IL6R: variants seen among roughly 807,000 people sequenced by gnomAD.
The protein encoded by IL6R is interleukin-6 receptor subunit alpha.
IL6R carries 38 observed loss-of-function variants against 48.3 expected under a neutral mutation model. The observed-to-expected ratio is 0.79, with a 90% CI of 0.61 to 1.03. The LOEUF is 1.03. Among genes scored for constraint, IL6R ranks in the 50% least tolerant of loss-of-function variants. IL6R has a pLI of 0.00. For missense variants in IL6R, 534 were observed against 618.3 expected, an observed-to-expected ratio of 0.86 and a Z score of 1.45; for synonymous variants, 264 against 256.2, an observed-to-expected ratio of 1.03 and a Z score of -0.29.
chr1:154,413,682 T>C (rs1688168113), intron 1 of IL6R, among the ~76,000 whole-genome samples: 1 of 152,150 alleles, frequency 6.6e-6, no homozygotes, highest in African/African-American at 2.4e-5. Flanking sequence ...GACCTGCCTG[T>C]TCATATTCAA....
intron 3 of IL6R, among the ~76,000 whole-genome samples, chr1:154,434,260 G>A (rs1044407686): frequency 3.9e-5 from 6 of 151,996 alleles, no homozygotes; most frequent in Admixed American, 1.3e-4. Context: ...GCAGTGAGCC[G>A]AGACTGCGCC....
intron 6 of IL6R, among the ~76,000 whole-genome samples, chr1:154,439,907 C>CT (rs1019768848): frequency 5.3e-5 from 8 of 150,760 alleles, no homozygotes; most frequent in South Asian, 2.1e-4. Context: ...CTCTTTTTCT[C>CT]TTTTTTTTTG....
At chr1:154,418,392 T>C (rs1430062846) in intron 1 of IL6R, 2 of 984,410 alleles carry the variant, frequency 2.0e-6, no homozygotes, top group South Asian at 4.7e-5. Context: ...TCTCCAGCAG[T>C]GTACAGTCCA....
At chr1:154,430,447 G>C (rs755556177) in intron 2 of IL6R, 36 bp from the exon 3 acceptor site, 7 of 1,608,140 alleles carry the variant, frequency 4.4e-6, no homozygotes, top group Admixed American at 3.4e-5. Flanking sequence ...CAGGATCCCC[G>C]CCCGCCTGCT....
chr1:154,447,951 T>C (rs1690366289), intron 6 of IL6R, among the ~76,000 whole-genome samples, 174 bp from the exon 7 acceptor site: 1 of 152,112 alleles, frequency 6.6e-6, no homozygotes, highest in African/African-American at 2.4e-5. Flanking sequence ...TAACCTCAGG[T>C]GATCTACCCA....
At chr1:154,454,985 C>T (rs1313011293) in intron 9 of IL6R, among the ~76,000 whole-genome samples, 2 of 152,118 alleles carry the variant, frequency 1.3e-5, no homozygotes, top group Non-Finnish European at 1.5e-5. Context: ...AATCTCGCCT[C>T]ACAGGACAAC....
At chr1:154,443,262 T>C (rs1042169512) in intron 6 of IL6R, among the ~76,000 whole-genome samples, 1 of 152,260 alleles carries the variant, frequency 6.6e-6, no homozygotes, top group Admixed American at 6.5e-5. Flanking sequence ...GGGCGGTCAG[T>C]GCCTCCAGCT....
At chr1:154,458,647 T>A (rs142712385) in intron 9 of IL6R, among the ~76,000 whole-genome samples, 6,670 of 152,236 alleles carry the variant, frequency 0.044, 194 homozygotes, top group Non-Finnish European at 0.067. Flanking sequence ...ACGCCTGTGA[T>A]CCCAGCACTT....
intron 6 of IL6R, among the ~76,000 whole-genome samples, chr1:154,437,127 C>T (rs1570967504): frequency 6.6e-6 from 1 of 152,298 alleles, no homozygotes; most frequent in Non-Finnish European, 1.5e-5. Context: ...GACGGAGTCT[C>T]ACTCTGTCAC....
chr1:154,454,695 A>G, intron 9 of IL6R, 114 bp downstream of exon 9: 2 of 749,448 alleles, frequency 2.7e-6, no homozygotes, highest in Non-Finnish European at 4.7e-6. Context: ...CCATTCATCA[A>G]ATGAATGCAC....
chr1:154,449,863 TG>T, intron 7 of IL6R, 47 bp from the exon 8 acceptor site: 1 of 1,224,820 alleles, frequency 8.2e-7, no homozygotes, highest in Non-Finnish European at 1.2e-6. Context: ...TTCTGAATGA[TG>T]GTGCAATCTG....
chr1:154,443,245 C>T (rs1690034883), intron 6 of IL6R, among the ~76,000 whole-genome samples: 1 of 152,222 alleles, frequency 6.6e-6, no homozygotes, highest in Admixed American at 6.5e-5. Context: ...GCCCTGAAGC[C>T]AGGACTGGGC....
At chr1:154,419,607 C>T (rs1688535239) in intron 1 of IL6R, among the ~76,000 whole-genome samples, 1 of 152,152 alleles carries the variant, frequency 6.6e-6, no homozygotes, top group African/African-American at 2.4e-5. Flanking sequence ...GGACCTGCGT[C>T]TCTGCTCAGA....
In IL6R at chr1:154,466,684, C is replaced by T. The variant is rs1305917057; in HGVS notation, c.*1304C>T. 6.5e-6 allele frequency: 1 copy of T among 154,480 alleles called. No individual in the cohort carries two copies. Among genetic ancestry groups the T allele is most frequent in the East Asian group, 1.8e-4 (1 of 5,452 alleles). The allele number at this position is 154,480 out of a possible 1,614,324, so 9.6% of individuals were successfully genotyped here. A position where few individuals can be genotyped will look rare whatever the true frequency, so the allele number is the denominator to read the frequency against. Reference sequence around the variant, plus strand: ...GCAATGTGATAAAACCCCATCTCTACAAAAAGCATAAAAATTAGCCAAGTG... The same window carrying T: ...GCAATGTGATAAAACCCCATCTCTATAAAAAGCATAAAAATTAGCCAAGTG... On this transcript the variant is annotated 3_prime_UTR_variant, in exon 10 of 10. Coordinates refer to ENST00000368485, the MANE Select transcript of IL6R (RefSeq NM_000565.4).
intron 5 of IL6R, 52 bp from the exon 6 acceptor site, chr1:154,435,917 G>A: frequency 6.6e-7 from 1 of 1,514,020 alleles, no homozygotes; most frequent in Non-Finnish European, 9.0e-7. Context: ...GGTGCTACCT[G>A]CCCAGCACCA....
intron 1 of IL6R, among the ~76,000 whole-genome samples, chr1:154,419,605 G>A (rs1054746266): frequency 3.9e-5 from 6 of 152,178 alleles, no homozygotes; most frequent in African/African-American, 7.2e-5. Context: ...GGGGACCTGC[G>A]TCTCTGCTCA....
chr1:154,450,270 C>T (rs947629881), intron 8 of IL6R, among the ~76,000 whole-genome samples: 4 of 152,032 alleles, frequency 2.6e-5, no homozygotes, highest in Non-Finnish European at 2.9e-5. Context: ...GGATTACAGG[C>T]GCATGCCACC....
At chr1:154,415,114 C>T (rs747116846) in intron 1 of IL6R, 23 of 1,120,558 alleles carry the variant, frequency 2.1e-5, no homozygotes, top group African/African-American at 1.5e-4. Context: ...CGGTTCCACT[C>T]GCCCTTGAGT....
intron 6 of IL6R, among the ~76,000 whole-genome samples, chr1:154,440,558 C>A (rs905798696): frequency 9.9e-5 from 15 of 152,002 alleles, no homozygotes; most frequent in African/African-American, 3.6e-4. Flanking sequence ...TCCTTGCCAA[C>A]ATTTGTTATT....
Sources: allele counts gnomAD v4.1 joint callset (sites outside exome capture counted in the v4.1 genomes callset), GRCh38; gene constraint gnomAD v4.1.1; transcripts MANE v1.5; gene names NCBI Gene and HGNC (gene_info 2026-07-23, HGNC 2026-07-21).